RNF115: variants seen among roughly 807,000 people sequenced by gnomAD.
RNF115 encodes the protein ring finger protein 115, also known as E3 ubiquitin-protein ligase RNF115.
RNF115 carries 31 observed loss-of-function variants against 39.2 expected under a neutral mutation model. That is an observed-to-expected ratio of 0.79 (90% confidence interval 0.59 to 1.07). The LOEUF (loss-of-function observed/expected upper bound fraction) is 1.07. Among genes scored for constraint, RNF115 ranks in the 50% least tolerant of loss-of-function variants. The pLI is 0.00. For synonymous variants in RNF115, 124 were observed against 131.0 expected, an observed-to-expected ratio of 0.95 and a Z score of 0.37; for missense variants, 384 against 381.7, an observed-to-expected ratio of 1.01 and a Z score of -0.05.
chr1:145,780,157 G>A (rs1434027908), intron 3 of RNF115, among the ~76,000 whole-genome samples: 1 of 151,990 alleles, frequency 6.6e-6, no homozygotes, highest in South Asian at 2.1e-4. Context: ...GAACCCAGGA[G>A]GCAGAGGTTG....
chr1:145,804,736 T>C (rs937433808), intron 1 of RNF115, among the ~76,000 whole-genome samples: 10 of 152,294 alleles, frequency 6.6e-5, no homozygotes, highest in African/African-American at 2.2e-4. Flanking sequence ...GGAGAAAAAC[T>C]AGATTTAGAA....
Position 145,804,432 on chromosome 1 carries a change from T to G in RNF115, c.103-15466A>C, listed in dbSNP as rs370623212. Reference sequence around the variant, plus strand: ...GTGAAGCAAAACAAAGCTGGACTGGTAATCATTTCAACTATGTATGTGCAC... The same window carrying G: ...GTGAAGCAAAACAAAGCTGGACTGGGAATCATTTCAACTATGTATGTGCAC... On this transcript the variant is annotated intron_variant, in intron 1 of 8. Coordinates refer to ENST00000582693, the MANE Select transcript of RNF115 (RefSeq NM_014455.4). 5.8e-4 allele frequency among the ~76,000 whole-genome samples: 88 copies of G among 152,146 alleles called. 1 individual carries two copies. In the South Asian group the frequency reaches 8.9e-3, roughly 15 times the overall value.
At chr1:145,749,228 A>G (rs587637355) in intron 7 of RNF115, among the ~76,000 whole-genome samples, 4 of 152,232 alleles carry the variant, frequency 2.6e-5, no homozygotes, top group African/African-American at 9.6e-5. Context: ...CATTCCTATC[A>G]CCTTAGCCCT....
At chr1:145,813,522 T>C (rs1206767469) in intron 1 of RNF115, among the ~76,000 whole-genome samples, 1 of 152,162 alleles carries the variant, frequency 6.6e-6, no homozygotes, top group African/African-American at 2.4e-5. Flanking sequence ...AGTTTTCTTT[T>C]ATAAGTTGCC....
At chr1:145,813,401 CTTG>C (rs1315047593) in intron 1 of RNF115, among the ~76,000 whole-genome samples, 2 of 152,142 alleles carry the variant, frequency 1.3e-5, no homozygotes, top group Non-Finnish European at 2.9e-5. Context: ...AAAAGTTAGG[CTTG>C]TTGTCTGCTT....
intron 8 of RNF115, among the ~76,000 whole-genome samples, chr1:145,747,418 G>A (rs978036874): frequency 7.2e-5 from 11 of 152,120 alleles, no homozygotes; most frequent in African/African-American, 1.7e-4. Flanking sequence ...TTGGGAGGCC[G>A]AGGCAGGTGG....
chr1:145,777,947 C>G (rs1647958298), intron 3 of RNF115, among the ~76,000 whole-genome samples: 1 of 152,154 alleles, frequency 6.6e-6, no homozygotes, highest in Non-Finnish European at 1.5e-5. Context: ...ATGAGTTGAA[C>G]AGTTACCATA....
intron 1 of RNF115, among the ~76,000 whole-genome samples, chr1:145,800,868 A>T (rs1467086416): frequency 6.6e-6 from 1 of 152,170 alleles, no homozygotes; most frequent in African/African-American, 2.4e-5. Context: ...ACATTGCCCA[A>T]GGGATGAAAA....
chr1:145,774,432 C>G (rs587769558), intron 3 of RNF115, among the ~76,000 whole-genome samples: 1 of 152,192 alleles, frequency 6.6e-6, no homozygotes, highest in African/African-American at 2.4e-5. Context: ...TCACTGCAAC[C>G]TCCACCTCCT....
intron 5 of RNF115, 103 bp downstream of exon 5, chr1:145,752,875 C>A: frequency 1.3e-6 from 1 of 793,638 alleles, no homozygotes; most frequent in Non-Finnish European, 2.1e-6. Flanking sequence ...GCATGAGCCA[C>A]CGCACCCGGC....
intron 1 of RNF115, among the ~76,000 whole-genome samples, chr1:145,795,385 G>A (rs988316302): frequency 3.9e-5 from 6 of 152,014 alleles, no homozygotes; most frequent in African/African-American, 7.3e-5. Context: ...TGGCTGGTAC[G>A]GCCAGCTTTT....
chr1:145,768,791 C>A (rs1389430878), intron 4 of RNF115, among the ~76,000 whole-genome samples: 1 of 152,192 alleles, frequency 6.6e-6, no homozygotes, highest in East Asian at 1.9e-4. Flanking sequence ...ATGTATAAAA[C>A]ATGAAATTGT....
chr1:145,771,766 G>A lies in RNF115; in HGVS notation c.373C>T (p.Arg125Trp), dbSNP rs377745553. The A allele has an allele frequency of 3.5e-5, 56 of 1,613,950 alleles. No homozygotes were observed. Among genetic ancestry groups the A allele is most frequent in the Admixed American group, 1.2e-4 (7 of 59,986 alleles). The change falls in exon 4 of 9, where the codon CGG (arginine) becomes TGG (tryptophan). Residue 125 changes from arginine to tryptophan, a missense_variant. Arg to Trp is a moderately radical substitution (Grantham distance 101). Transcript: ENST00000582693. ...GARPPRLPLG[R>W]RYRSRGSSRP... ...GAACTTCCTCGAGATCTGTATCTCC[G>A]ACCCAATGGCAACCGTGGAGGTCTT...
Position 145,765,242 on chromosome 1 carries a change from A to G in RNF115, c.428+6469T>C, listed in dbSNP as rs587748705. On this transcript the variant is annotated intron_variant, in intron 4 of 8. Coordinates refer to ENST00000582693, the MANE Select transcript of RNF115 (RefSeq NM_014455.4). ...GGCAGCATGCTTGTTAAGAGTCATC[A>G]CCACTCCCTAATCTCAAGTACCCAG... Among the ~76,000 whole-genome samples the G allele has an allele frequency of 1.7e-3, 253 of 152,186 alleles. 3 individuals are homozygous for G. Among genetic ancestry groups the G allele is most frequent in the Middle Eastern group, 6.8e-3 (2 of 294 alleles).
intron 1 of RNF115, among the ~76,000 whole-genome samples, chr1:145,800,933 G>GCT (rs1649207704): frequency 6.6e-6 from 1 of 151,440 alleles, no homozygotes; most frequent in Non-Finnish European, 1.5e-5. Flanking sequence ...ACTTTGGGAG[G>GCT]GCCAAGGCGG....
At position 145,751,520 on chromosome 1, in the gene RNF115, A is replaced by C; in HGVS notation, c.501-10T>G. The C allele has an allele frequency of 1.3e-6, 2 of 1,583,632 alleles. No homozygotes were observed. Among genetic ancestry groups the C allele is most frequent in the Non-Finnish European group, 1.7e-6 (2 of 1,160,918 alleles). ...GTGCAGCATCCCGCTCCTATACGTG[A>C]GATGAGATAGACAGCATTAGATGGA... On this transcript the variant is annotated splice_polypyrimidine_tract_variant and intron_variant, in intron 5 of 8. Coordinates refer to ENST00000582693, the MANE Select transcript of RNF115 (RefSeq NM_014455.4).
At position 145,743,738 on chromosome 1, in the gene RNF115, A is replaced by G. The variant is rs1284306; in HGVS notation, c.*3128T>C. ...GGAGGTTGCAGTGAGCTGAGATTGCACCACTGCACTCCAGCCTAGGCGACA... is the reference window on the plus strand; with the variant it reads ...GGAGGTTGCAGTGAGCTGAGATTGCGCCACTGCACTCCAGCCTAGGCGACA... On this transcript the variant is annotated 3_prime_UTR_variant, in exon 9 of 9. Coordinates refer to ENST00000582693, the MANE Select transcript of RNF115 (RefSeq NM_014455.4). 0.53 allele frequency: 79,258 copies of G among 149,886 alleles called. 22,650 individuals are homozygous for G. The highest frequency in any genetic ancestry group is 0.74 in the African/African-American group (30,007 of 40,748). The allele number at this position is 149,886 out of a possible 1,614,324, so 9.3% of individuals were successfully genotyped here.
Position 145,745,540 on chromosome 1 carries a change from C to A in RNF115, c.*1326G>T, listed in dbSNP as rs587773316. ...TTGGTATGATCCGGCTCACCGCAACCTCCACCTCCTGGGTTCAAGCGATTC... is the reference window on the plus strand; with the variant it reads ...TTGGTATGATCCGGCTCACCGCAACATCCACCTCCTGGGTTCAAGCGATTC... On this transcript the variant is annotated 3_prime_UTR_variant, in exon 9 of 9. Coordinates refer to ENST00000582693, the MANE Select transcript of RNF115 (RefSeq NM_014455.4). The A allele has an allele frequency of 6.6e-6, 1 of 151,920 alleles. No homozygotes were observed. Among genetic ancestry groups the A allele is most frequent in the African/African-American group, 2.4e-5 (1 of 41,300 alleles). 9.4% of individuals were successfully genotyped at this position (151,920 alleles called of 1,614,324 possible).
At position 145,823,887 on chromosome 1, in the gene RNF115, C is replaced by T; in HGVS notation, c.-14G>A. The T allele has an allele frequency of 2.0e-6, 3 of 1,512,794 alleles. No individual in the cohort carries two copies. The highest frequency in any genetic ancestry group is 2.7e-6 in the Non-Finnish European group (3 of 1,131,432). 93.7% of individuals were successfully genotyped at this position (1,512,794 alleles called of 1,614,324 possible). ...AGCCTCCGCCATTTTTGCCCTCCGC[C>T]GCGGCCGTCCGAGAGGGCAGCCGGC... is the stretch of plus-strand genomic sequence containing the variant. On this transcript the variant is annotated 5_prime_UTR_variant, in exon 1 of 9. Coordinates refer to ENST00000582693, the MANE Select transcript of RNF115 (RefSeq NM_014455.4).
Sources: allele counts gnomAD v4.1 joint callset (sites outside exome capture counted in the v4.1 genomes callset), GRCh38; gene constraint gnomAD v4.1.1; transcripts MANE v1.5; gene names NCBI Gene and HGNC (gene_info 2026-07-23, HGNC 2026-07-21).